Variants in RGS7 observed in about 807,000 individuals in gnomAD.
RGS7 encodes the protein regulator of G-protein signaling 7.
RGS7 carries 27 observed loss-of-function variants against 81.1 expected under a neutral mutation model. The observed-to-expected ratio is 0.33, with a 90% CI of 0.25 to 0.46. The LOEUF is 0.46. RGS7 is among the 20% of genes least tolerant of loss of function. The pLI, the probability that RGS7 is intolerant of heterozygous loss-of-function variation, is 1.00. For missense variants in RGS7, 396 were observed against 607.4 expected (o/e 0.65, Z 3.66); for synonymous variants, 208 against 207.7 (o/e 1.00, Z -0.01).
chr1:241,021,798 C>T (rs370629196), intron 3 of RGS7, among the ~76,000 whole-genome samples: 1 of 152,160 alleles, frequency 6.6e-6, no homozygotes, highest in East Asian at 1.9e-4. Context: ...ACTCAGTTTA[C>T]AAGCTGAGAT....
At chr1:241,021,284 G>T (rs1261148604) in intron 3 of RGS7, among the ~76,000 whole-genome samples, 1 of 152,120 alleles carries the variant, frequency 6.6e-6, no homozygotes, top group Non-Finnish European at 1.5e-5. Context: ...TATGCAAGGG[G>T]TGGGGTGGAG....
At chr1:240,781,726 G>A (rs1339607207) in intron 18 of RGS7, among the ~76,000 whole-genome samples, 3 of 151,926 alleles carry the variant, frequency 2.0e-5, no homozygotes, top group Admixed American at 1.3e-4. Flanking sequence ...ACAGTTAACA[G>A]ATCTTGGGCT....
intron 3 of RGS7, among the ~76,000 whole-genome samples, chr1:241,021,467 A>G (rs2059532753): frequency 6.6e-6 from 1 of 152,240 alleles, no homozygotes; most frequent in African/African-American, 2.4e-5. Context: ...ACATTTAGAC[A>G]GTGAACACAT....
rs766621664 is a variant in RGS7 at position 240,868,110 on chromosome 1, AAGAAAAG to A, written c.609+470_609+476del. ...AAAGAAAGAAAAGAAAAAGAAAGAA[AAGAAAAG>A]GAAAGAAAGAAAGAAAGAAAGAAAG... On this transcript the variant is annotated intron_variant, in intron 9 of 18. Transcript: ENST00000440928. This position sits in a 1 kb window ranked among gnomAD's most constrained non-coding sequence, Gnocchi z 5.1. Among the ~76,000 whole-genome samples the A allele has an allele frequency of 8.4e-6, 1 of 118,382 alleles. No individual in the cohort carries two copies. Among genetic ancestry groups the A allele is most frequent in the Non-Finnish European group, 1.8e-5 (1 of 56,200 alleles). The allele number at this position is 118,382 out of a possible 152,430, so 77.7% of individuals were successfully genotyped here.
At chr1:241,236,151 T>C (rs988260845) in intron 2 of RGS7, among the ~76,000 whole-genome samples, 5 of 149,852 alleles carry the variant, frequency 3.3e-5, no homozygotes, top group African/African-American at 9.8e-5. Context: ...ATGATATCAC[T>C]GAGCAAATGA....
At chr1:240,820,798 A>G (rs369259965) in intron 10 of RGS7, among the ~76,000 whole-genome samples, 2 of 152,272 alleles carry the variant, frequency 1.3e-5, no homozygotes, top group African/African-American at 2.4e-5. Context: ...TCTGTTGTTT[A>G]TAAATTACCC....
intron 18 of RGS7, among the ~76,000 whole-genome samples, chr1:240,778,456 A>T (rs1683365523): frequency 6.6e-6 from 1 of 152,206 alleles, no homozygotes; most frequent in African/African-American, 2.4e-5. Context: ...ATTTTCTCTT[A>T]ATTTTTTCTT....
chr1:240,851,299 T>C (rs1182298958), intron 9 of RGS7, among the ~76,000 whole-genome samples: 1 of 152,192 alleles, frequency 6.6e-6, no homozygotes, highest in Non-Finnish European at 1.5e-5. Flanking sequence ...GTTCTACAAA[T>C]GAAACAACAA....
chr1:241,259,756 G>T (rs888968651), intron 2 of RGS7, among the ~76,000 whole-genome samples: 59 of 149,520 alleles, frequency 3.9e-4, no homozygotes, highest in African/African-American at 1.4e-3. Flanking sequence ...GACAAAGCCT[G>T]CAGGACACAA....
intron 2 of RGS7, among the ~76,000 whole-genome samples, chr1:241,287,465 G>C (rs1321862358): frequency 6.6e-6 from 1 of 152,128 alleles, no homozygotes; most frequent in Non-Finnish European, 1.5e-5. Context: ...ACGTGACTTT[G>C]CTCCTCCTTT....
chr1:240,909,899 T>G (rs1264474487), intron 6 of RGS7, among the ~76,000 whole-genome samples: 1 of 152,172 alleles, frequency 6.6e-6, no homozygotes, highest in Non-Finnish European at 1.5e-5. Context: ...GTATTGCAAC[T>G]GGCCATTAAA....
intron 2 of RGS7, among the ~76,000 whole-genome samples, chr1:241,222,778 C>T (rs914011886): frequency 6.6e-6 from 1 of 152,124 alleles, no homozygotes; most frequent in Non-Finnish European, 1.5e-5. Context: ...CCTGTAATAC[C>T]TCCCATTATC....
intron 2 of RGS7, among the ~76,000 whole-genome samples, chr1:241,213,810 G>C (rs545938234): frequency 1.3e-5 from 2 of 152,200 alleles, no homozygotes; most frequent in African/African-American, 4.8e-5. Flanking sequence ...TGATGCCCAG[G>C]CTGGAGTGTA....
chr1:240,823,119 T>C (rs1048864297), intron 10 of RGS7: 10 of 1,123,086 alleles, frequency 8.9e-6, no homozygotes, highest in East Asian at 2.4e-5. Context: ...AGTTCTTTTC[T>C]GGTCTGAGGT....
At chr1:240,964,001 G>C (rs1309582850) in intron 4 of RGS7, among the ~76,000 whole-genome samples, 1 of 152,138 alleles carries the variant, frequency 6.6e-6, no homozygotes, top group African/African-American at 2.4e-5. Context: ...TATAGAGTGA[G>C]ACCCTGTCTC....
chr1:241,129,885 C>T (rs143799725), intron 2 of RGS7, among the ~76,000 whole-genome samples: 1 of 152,114 alleles, frequency 6.6e-6, no homozygotes, highest in Non-Finnish European at 1.5e-5. Flanking sequence ...AGGTAATCAA[C>T]CAAAGTGCAT....
At chr1:241,082,768 T>C (rs2063207759) in intron 3 of RGS7, among the ~76,000 whole-genome samples, 1 of 152,182 alleles carries the variant, frequency 6.6e-6, no homozygotes, top group African/African-American at 2.4e-5. Context: ...GTGATGGATA[T>C]CCCAATTACC....
chr1:240,925,701 G>C lies in RGS7; in HGVS notation c.385+5016C>G, dbSNP rs147410172. ...GTTTTAGTTCTTTGAGAAATCTCCA[G>C]ACAACTTTCCACAATGACTGAACTA... On this transcript the variant is annotated intron_variant, in intron 6 of 18. Coordinates refer to ENST00000440928, the MANE Select transcript of RGS7 (RefSeq NM_001364886.1). 1.6e-3 allele frequency among the ~76,000 whole-genome samples: 245 copies of C among 152,286 alleles called. 1 individual carries two copies. The highest frequency in any genetic ancestry group is 6.8e-3 in the Middle Eastern group (2 of 294).
chr1:240,886,361 C>T (rs1288810582), intron 6 of RGS7, among the ~76,000 whole-genome samples: 4 of 152,164 alleles, frequency 2.6e-5, no homozygotes, highest in Non-Finnish European at 4.4e-5. Flanking sequence ...TTCTGTCATT[C>T]AAATCTGTGC....
Sources: allele counts gnomAD v4.1 joint callset (sites outside exome capture counted in the v4.1 genomes callset), GRCh38; gene constraint gnomAD v4.1.1; non-coding constraint Gnocchi (gnomAD v3.1); transcripts MANE v1.5; gene names NCBI Gene and HGNC (gene_info 2026-07-23, HGNC 2026-07-21).